FXR1: variants seen among roughly 807,000 people sequenced by gnomAD.
The protein encoded by FXR1 is RNA-binding protein FXR1.
FXR1 carries 15 observed loss-of-function variants against 84.0 expected under a neutral mutation model. The ratio of observed to expected loss-of-function variants is 0.18; its 90% CI spans 0.12 to 0.27. The LOEUF is 0.27. FXR1 is among the 10% of genes least tolerant of loss of function. FXR1 has a pLI of 1.00. For missense variants in FXR1, 480 were observed against 774.4 expected (o/e 0.62, Z 4.51); for synonymous variants, 245 against 250.7 (o/e 0.98, Z 0.21).
At chr3:180,916,337 A>G (rs1717891092) in intron 1 of FXR1, among the ~76,000 whole-genome samples, 1 of 152,212 alleles carries the variant, frequency 6.6e-6, no homozygotes, top group South Asian at 2.1e-4. Flanking sequence ...GTATAAATAT[A>G]TATTAGTCTT....
At chr3:180,959,613 T>C (rs1001219126) in intron 10 of FXR1, among the ~76,000 whole-genome samples, 66 of 152,182 alleles carry the variant, frequency 4.3e-4, no homozygotes, top group African/African-American at 1.5e-3. Flanking sequence ...ACAGGCTATG[T>C]GCTTAAGATT....
intron 11 of FXR1, among the ~76,000 whole-genome samples, chr3:180,962,668 A>G (rs781442019): frequency 6.6e-6 from 1 of 152,116 alleles, no homozygotes. Flanking sequence ...TTGTATGCCT[A>G]TAGTAGCATG....
chr3:180,920,450 T>C (rs1718440203), intron 1 of FXR1, among the ~76,000 whole-genome samples: 1 of 152,156 alleles, frequency 6.6e-6, no homozygotes. Context: ...CACAAAACTT[T>C]ATGCATGCAT....
intron 1 of FXR1, chr3:180,915,663 T>G (rs981769589): frequency 1.4e-5 from 10 of 704,766 alleles, no homozygotes; most frequent in Non-Finnish European, 1.0e-5. Flanking sequence ...TCCCCTCCTC[T>G]TACCCCGTAT....
At chr3:180,935,799 C>CGT (rs1559987125) in intron 3 of FXR1, among the ~76,000 whole-genome samples, 1 of 152,180 alleles carries the variant, frequency 6.6e-6, no homozygotes, top group Admixed American at 6.5e-5. Flanking sequence ...TTGTTCATGT[C>CGT]GTGCATGTTC....
intron 15 of FXR1, among the ~76,000 whole-genome samples, chr3:180,974,530 G>T (rs1303752067): frequency 6.6e-6 from 1 of 152,132 alleles, no homozygotes; most frequent in Non-Finnish European, 1.5e-5. Flanking sequence ...GTTGAAGTTG[G>T]GTTGACGTGA....
chr3:180,948,603 C>G, intron 5 of FXR1, 108 bp downstream of exon 5: 1 of 1,006,398 alleles, frequency 9.9e-7, no homozygotes, highest in East Asian at 2.4e-5. Context: ...GGAAAATCAT[C>G]TTAATGAACA....
chr3:180,954,349 A>G (rs1722529380), intron 9 of FXR1, among the ~76,000 whole-genome samples: 1 of 152,230 alleles, frequency 6.6e-6, no homozygotes, highest in South Asian at 2.1e-4. Context: ...AGTTGTGGGC[A>G]GGAGAGAAGG....
In FXR1 at chr3:180,955,075, A is replaced by G. The variant is rs1348539782; in HGVS notation, c.880+1235A>G. Among the ~76,000 whole-genome samples, 3 of 150,820 alleles carry G rather than the reference A, an allele frequency of 2.0e-5. No homozygotes were observed. The Admixed American group carries it at 2.0e-4, about 10-fold the overall frequency. The stretch of plus-strand genomic sequence containing the variant: ...AGCGATGCAATCTCGGCTCACTGCA[A>G]CCTCTGCCTCCTGGGTTCAAGCGAT... On this transcript the variant is annotated intron_variant, in intron 9 of 16. Coordinates refer to ENST00000357559, the MANE Select transcript of FXR1 (RefSeq NM_005087.4).
At chr3:180,938,251 A>G (rs1386381697) in intron 3 of FXR1, among the ~76,000 whole-genome samples, 2 of 152,322 alleles carry the variant, frequency 1.3e-5, no homozygotes, top group East Asian at 3.9e-4. Flanking sequence ...ATTAAAATGT[A>G]CCATTTCATC....
chr3:180,962,514 C>A (rs538197726), intron 11 of FXR1, among the ~76,000 whole-genome samples: 1 of 152,302 alleles, frequency 6.6e-6, no homozygotes, highest in East Asian at 1.9e-4. Flanking sequence ...ATAGATGCTA[C>A]CTGTATCTCA....
At chr3:180,973,518 A>G (rs1405059580) in intron 15 of FXR1, among the ~76,000 whole-genome samples, 1 of 152,234 alleles carries the variant, frequency 6.6e-6, no homozygotes, top group Non-Finnish European at 1.5e-5. Context: ...CACACTGGCT[A>G]GAATTGTTCT....
intron 1 of FXR1, chr3:180,915,381 C>T (rs1271865288): frequency 1.5e-6 from 1 of 655,492 alleles, no homozygotes; most frequent in South Asian, 2.1e-5. Context: ...GTTTTCTGTC[C>T]CCATAGTTTT....
At chr3:180,952,811 A>T (rs1057307918) in intron 8 of FXR1, among the ~76,000 whole-genome samples, 3 of 151,196 alleles carry the variant, frequency 2.0e-5, no homozygotes, top group East Asian at 3.9e-4. Context: ...TTTAAAATTT[A>T]AAAAAAATTT....
In FXR1 at chr3:180,948,769, A is replaced by C; in HGVS notation, c.468A>C (p.Ala156=). ...AHKDFKKAVG[A]CRIFYHPETT... ...AAGATTTTAAGAAAGCAGTAGGAGC[A>C]TGCAGAATTTTTTACCATCCAGAAA... Residue 156 remains alanine, a synonymous_variant, in exon 6 of 17, where the codon GCA becomes GCC. Transcript: ENST00000357559. 1.3e-6 allele frequency: 2 copies of C among 1,584,728 alleles called. No homozygotes were observed. Among genetic ancestry groups the C allele is most frequent in the Non-Finnish European group, 1.7e-6 (2 of 1,153,216 alleles).
At chr3:180,956,718 TTGC>T (rs1421289263) in intron 9 of FXR1, among the ~76,000 whole-genome samples, 2 of 152,028 alleles carry the variant, frequency 1.3e-5, no homozygotes, top group African/African-American at 2.4e-5. Context: ...ACATGTTCAA[TTGC>T]TGCTGCTTTT....
chr3:180,950,468 G>T (rs1560002840), intron 7 of FXR1, among the ~76,000 whole-genome samples: 2 of 152,032 alleles, frequency 1.3e-5, no homozygotes, highest in East Asian at 1.9e-4. Context: ...GTTTTCGGTG[G>T]TTTTTTCTTC....
At chr3:180,953,591 A>G (rs1722443978) in intron 8 of FXR1, among the ~76,000 whole-genome samples, 171 bp from the exon 9 acceptor site, 1 of 152,056 alleles carries the variant, frequency 6.6e-6, no homozygotes, top group African/African-American at 2.4e-5. Context: ...ATTTTTTTTT[A>G]AGTACTTTGT....
chr3:180,925,796 C>G (rs996646082), intron 1 of FXR1, among the ~76,000 whole-genome samples: 14 of 152,096 alleles, frequency 9.2e-5, no homozygotes, highest in African/African-American at 3.1e-4. Context: ...ATAATAAAAT[C>G]CACTGTGGCA....
Sources: gnomAD v4.1 joint callset for allele counts (sites outside exome capture counted in the v4.1 genomes callset) on GRCh38, gnomAD v4.1.1 for gene constraint, MANE v1.5 for transcripts, NCBI Gene and HGNC (gene_info 2026-07-23, HGNC 2026-07-21) for gene names.